The following OPA3 variants were observed in gnomAD, a reference collection of about 807,000 sequenced individuals.
OPA3 encodes the protein optic atrophy 3 protein.
In OPA3, 6 loss-of-function variants were observed where a neutral mutation model predicts 4.0. The ratio of observed to expected loss-of-function variants is 1.51; its 90% CI spans 0.83 to 2.99. The LOEUF is 2.99. OPA3 is among the 30% of genes most tolerant of loss of function. The probability of loss-of-function intolerance (pLI) is 0.00; values close to 1 mark genes in which losing one functional copy is unlikely to be tolerated. For synonymous variants in OPA3, 105 were observed against 117.1 expected (o/e 0.90, Z 0.67); for missense variants, 235 against 256.2 (o/e 0.92, Z 0.56).
At chr19:45,584,245 G>A (rs1969897973) in intron 1 of OPA3, 1 of 723,988 alleles carries the variant, frequency 1.4e-6, no homozygotes, top group South Asian at 6.2e-5. Flanking sequence ...AGTTGCCCAA[G>A]GACAGCCGGG....
intron 1 of OPA3, among the ~76,000 whole-genome samples, chr19:45,582,573 G>C (rs1969872659): frequency 6.6e-6 from 1 of 152,116 alleles, no homozygotes; most frequent in Non-Finnish European, 1.5e-5. Flanking sequence ...AGGATAACTT[G>C]ATGGGTGAGG....
chr19:45,536,584 G>A (rs1392967025), intron 1 of OPA3, among the ~76,000 whole-genome samples: 1 of 151,638 alleles, frequency 6.6e-6, no homozygotes, highest in African/African-American at 2.4e-5. Flanking sequence ...AACACAAAGG[G>A]CCAAGAATAG....
intron 1 of OPA3, among the ~76,000 whole-genome samples, chr19:45,537,470 A>G (rs1969134832): frequency 6.6e-6 from 1 of 151,912 alleles, no homozygotes; most frequent in Non-Finnish European, 1.5e-5. Context: ...AGAGAGGGAA[A>G]AGGCAAATCA....
exon 2 of OPA3, chr19:45,529,319 A>G: frequency 6.2e-7 from 1 of 1,614,172 alleles, no homozygotes; most frequent in Non-Finnish European, 8.5e-7. Context: ...AGGCAGCTGC[A>G]GGCGGTGATG....
At chr19:45,584,552 A>G in intron 1 of OPA3, 71 bp downstream of exon 1, 3 of 1,612,188 alleles carry the variant, frequency 1.9e-6, no homozygotes, top group Admixed American at 1.7e-5. Context: ...ACAGAAGTCC[A>G]TCCCCTAAGC....
chr19:45,550,557 C>T lies in OPA3; in HGVS notation c.*2957G>A. Reference sequence around the variant, plus strand: ...GGGTAATCCAAGCCTCTCACTCTGCCCCTACTACTTCACCACCCTGGGCAG... The same window carrying T: ...GGGTAATCCAAGCCTCTCACTCTGCTCCTACTACTTCACCACCCTGGGCAG... On this transcript the variant is annotated 3_prime_UTR_variant, in exon 2 of 2. Transcript: ENST00000263275. The T allele has an allele frequency of 3.0e-6, 3 of 986,364 alleles. No individual in the cohort carries two copies. Among genetic ancestry groups the T allele is most frequent in the Non-Finnish European group, 3.6e-6 (3 of 830,674 alleles). The allele number at this position is 986,364 out of a possible 1,614,324, so 61.1% of individuals were successfully genotyped here.
chr19:45,568,929 G>C (rs1234031270), intron 1 of OPA3, among the ~76,000 whole-genome samples: 2 of 152,144 alleles, frequency 1.3e-5, no homozygotes, highest in Non-Finnish European at 2.9e-5. Flanking sequence ...ATGAGAGCAA[G>C]GATCTTTGTT....
chr19:45,555,799 A>AT (rs967844599), intron 1 of OPA3, among the ~76,000 whole-genome samples: 87 of 151,424 alleles, frequency 5.7e-4, no homozygotes, highest in African/African-American at 1.9e-3. Context: ...TCATTTTTGT[A>AT]TTTTTTTTAA....
rs140425781 is a variant in OPA3, at chr19:45,536,271, C to T, written c.143-6815G>A. Among the ~76,000 whole-genome samples, 1,414 of 146,688 alleles carry T rather than the reference C, an allele frequency of 9.6e-3. 11 individuals carry two copies. The highest frequency in any genetic ancestry group is 0.016 in the Non-Finnish European group (1,073 of 66,742). Reference sequence around the variant, plus strand: ...TAAAAAAAAAAATGTGGGCCGGGCACGGTGGCTCATGCCTGTAATCCCAGC... The same window carrying T: ...TAAAAAAAAAAATGTGGGCCGGGCATGGTGGCTCATGCCTGTAATCCCAGC... On this transcript the variant is annotated intron_variant, in intron 1 of 1. Coordinates refer to the OPA3 transcript ENST00000323060.
At chr19:45,538,200 GT>G (rs2089682266) in intron 1 of OPA3, among the ~76,000 whole-genome samples, 1 of 150,948 alleles carries the variant, frequency 6.6e-6, no homozygotes. Flanking sequence ...GGAGATCAAG[GT>G]AGGAGGATTG....
At chr19:45,570,981 G>GGT (rs962542597) in intron 1 of OPA3, among the ~76,000 whole-genome samples, 1 of 134,924 alleles carries the variant, frequency 7.4e-6, no homozygotes, top group African/African-American at 2.9e-5. Context: ...AACTATTTGG[G>GGT]GGGGGGGGGC....
At position 45,549,237 on chromosome 19, in the gene OPA3, T is replaced by C. The variant is rs964844761; in HGVS notation, c.*4277A>G. On this transcript the variant is annotated 3_prime_UTR_variant, in exon 2 of 2. Transcript: ENST00000263275. ...TCTAGCTAGCAGAACACACGAGCAGTGAACCATCCTCTGGCCTCTTGCATT... is the reference window on the plus strand; with the variant it reads ...TCTAGCTAGCAGAACACACGAGCAGCGAACCATCCTCTGGCCTCTTGCATT... 6.1e-6 allele frequency: 6 copies of C among 985,330 alleles called. No homozygotes were observed. Among genetic ancestry groups the C allele is most frequent in the Non-Finnish European group, 7.2e-6 (6 of 829,964 alleles). 61.0% of individuals were successfully genotyped at this position (985,330 alleles called of 1,614,324 possible). A position where few individuals can be genotyped will look rare whatever the true frequency, so the allele number is the denominator to read the frequency against.
downstream of OPA3, chr19:45,546,162 T>C (rs1969246293): frequency 6.5e-6 from 1 of 152,832 alleles, no homozygotes; most frequent in Non-Finnish European, 1.5e-5. Context: ...TGGAACACAC[T>C]TAATGGGTTT....
chr19:45,549,770 C>G lies in OPA3; in HGVS notation c.*3744G>C. On this transcript the variant is annotated 3_prime_UTR_variant, in exon 2 of 2. Coordinates refer to ENST00000263275, the MANE Select transcript of OPA3 (RefSeq NM_025136.4). ...GCTGGGATGACAGGCGTGAGCTGGC[C>G]TGGGTCACTCCCAGTTTTAAACACA... 1 of 985,408 alleles carries G rather than the reference C, an allele frequency of 1.0e-6. No individual in the cohort carries two copies. The highest frequency in any genetic ancestry group is 1.2e-6 in the Non-Finnish European group (1 of 830,038). 61.0% of individuals were successfully genotyped at this position (985,408 alleles called of 1,614,324 possible). A position where few individuals can be genotyped will look rare whatever the true frequency, so the allele number is the denominator to read the frequency against.
intron 1 of OPA3, among the ~76,000 whole-genome samples, chr19:45,578,556 G>A (rs1449133638): frequency 1.3e-5 from 2 of 152,094 alleles, no homozygotes; most frequent in Non-Finnish European, 2.9e-5. Context: ...GGCCAGGCGT[G>A]GTGGCTCATG....
At chr19:45,570,316 A>G (rs79871265) in intron 1 of OPA3, among the ~76,000 whole-genome samples, 9,116 of 152,304 alleles carry the variant, frequency 0.06, 491 homozygotes, top group African/African-American at 0.14. Context: ...AACGCAGCCA[A>G]TGACACACTT....
At chr19:45,580,964 G>A (rs915617145) in intron 1 of OPA3, among the ~76,000 whole-genome samples, 2 of 152,154 alleles carry the variant, frequency 1.3e-5, no homozygotes, top group Non-Finnish European at 2.9e-5. Context: ...ACAGTGTTTG[G>A]AAGACAGGCA....
intron 1 of OPA3, among the ~76,000 whole-genome samples, chr19:45,564,745 C>CAA (rs1415288117): frequency 6.6e-6 from 1 of 152,156 alleles, no homozygotes; most frequent in Non-Finnish European, 1.5e-5. Flanking sequence ...AAAAATACAC[C>CAA]AACTATCTCT....
intron 1 of OPA3, among the ~76,000 whole-genome samples, chr19:45,582,864 C>T (rs2122524890): frequency 6.6e-6 from 1 of 152,296 alleles, no homozygotes; most frequent in Non-Finnish European, 1.5e-5. Flanking sequence ...GTTAGTCCTA[C>T]AAAGGCAATC....
Sources: gnomAD v4.1 joint callset for allele counts (sites outside exome capture counted in the v4.1 genomes callset) on GRCh38, gnomAD v4.1.1 for gene constraint, MANE v1.5 for transcripts, NCBI Gene and HGNC (gene_info 2026-07-23, HGNC 2026-07-21) for gene names.